Variants in IMMP2L observed in about 807,000 individuals in gnomAD.
The protein encoded by IMMP2L is inner mitochondrial membrane peptidase subunit 2, also known as mitochondrial inner membrane protease subunit 2.
Under a neutral mutation model 19.3 loss-of-function variants are expected in IMMP2L, and 18 were observed. The observed-to-expected ratio is 0.93, with a 90% confidence interval of 0.64 to 1.38. The LOEUF is 1.38. IMMP2L is among the 40% of genes most tolerant of loss of function. IMMP2L has a pLI of 0.00. For missense variants in IMMP2L, 233 were observed against 218.2 expected, an observed-to-expected ratio of 1.07 and a Z score of -0.43; for synonymous variants, 76 against 73.0, an observed-to-expected ratio of 1.04 and a Z score of -0.21.
chr7:110,895,884 C>T (rs1811271150), intron 4 of IMMP2L, among the ~76,000 whole-genome samples: 1 of 152,132 alleles, frequency 6.6e-6, no homozygotes, highest in Non-Finnish European at 1.5e-5. Context: ...TGCAGCCTTG[C>T]TAAACTCTCT....
At chr7:111,143,426 G>A (rs1803148984) in intron 3 of IMMP2L, among the ~76,000 whole-genome samples, 2 of 151,982 alleles carry the variant, frequency 1.3e-5, no homozygotes, top group South Asian at 4.1e-4. Context: ...CATAACAACA[G>A]GTGTTATCCT....
rs954862801 is a variant in IMMP2L at position 111,562,039 on chromosome 7, C to A, written c.-191G>T. ...CAGAAGGCAGCGCGCCCCCACAGCG[C>A]TCCCTCACGGCCAGAGCCGGGGGCC... On this transcript the variant is annotated 5_prime_UTR_variant, in exon 1 of 6. Coordinates refer to ENST00000405709, the MANE Select transcript of IMMP2L (RefSeq NM_032549.4). 2 of 152,540 alleles carry A rather than the reference C, an allele frequency of 1.3e-5. No homozygotes were observed. Among genetic ancestry groups the A allele is most frequent in the Non-Finnish European group, 2.9e-5 (2 of 68,166 alleles). 9.4% of individuals were successfully genotyped at this position (152,540 alleles called of 1,614,324 possible).
At chr7:110,675,837 A>G (rs1792258811) in intron 5 of IMMP2L, among the ~76,000 whole-genome samples, 1 of 152,174 alleles carries the variant, frequency 6.6e-6, no homozygotes, top group South Asian at 2.1e-4. Context: ...GGGGGTTATT[A>G]ATAATTAAAC....
chr7:111,318,062 TATA>T (rs1411403091), intron 3 of IMMP2L, among the ~76,000 whole-genome samples: 12 of 152,154 alleles, frequency 7.9e-5, no homozygotes, highest in African/African-American at 2.9e-4. Context: ...ATGCAATCCT[TATA>T]ATGTTATATT....
chr7:111,227,915 A>G (rs898233221), intron 3 of IMMP2L, among the ~76,000 whole-genome samples: 1 of 152,114 alleles, frequency 6.6e-6, no homozygotes, highest in African/African-American at 2.4e-5. Flanking sequence ...TATTTCAAAA[A>G]CCACTTCTAC....
At chr7:111,090,568 A>C (rs1187302503) in intron 3 of IMMP2L, among the ~76,000 whole-genome samples, 1 of 150,874 alleles carries the variant, frequency 6.6e-6, no homozygotes, top group African/African-American at 2.4e-5. Flanking sequence ...TATATGCTTT[A>C]TTTTAAAAAT....
chr7:111,114,696 C>T (rs1799652327), intron 3 of IMMP2L, among the ~76,000 whole-genome samples: 2 of 144,428 alleles, frequency 1.4e-5, no homozygotes, highest in Admixed American at 1.4e-4. Context: ...GCCGAGATCG[C>T]ACCACTGCCC....
At chr7:110,766,668 A>AAATCACATT (rs1798688260) in intron 5 of IMMP2L, among the ~76,000 whole-genome samples, 1 of 152,088 alleles carries the variant, frequency 6.6e-6, no homozygotes, top group African/African-American at 2.4e-5. Context: ...GGAAGAAATA[A>AAATCACATT]AATCACATTA....
chr7:110,810,071 C>T (rs1801917306), intron 5 of IMMP2L, among the ~76,000 whole-genome samples: 1 of 152,072 alleles, frequency 6.6e-6, no homozygotes, highest in African/African-American at 2.4e-5. Flanking sequence ...GGTGTCCTCA[C>T]TATTCTGCCT....
chr7:111,389,896 A>G (rs112176923), intron 3 of IMMP2L, among the ~76,000 whole-genome samples: 4 of 152,304 alleles, frequency 2.6e-5, no homozygotes, highest in African/African-American at 9.6e-5. Flanking sequence ...AAATAAAATA[A>G]GGATGTTAAA....
Position 111,016,809 on chromosome 7 carries a change from C to G in IMMP2L, c.240-53244G>C, listed in dbSNP as rs566114510. ...TATACTATATAATATATAATATATA[C>G]TATATATTATATATAATATATAGTA... On this transcript the variant is annotated intron_variant, in intron 3 of 5. Coordinates refer to ENST00000405709, the MANE Select transcript of IMMP2L (RefSeq NM_032549.4). 4.1e-3 allele frequency among the ~76,000 whole-genome samples: 178 copies of G among 43,122 alleles called. 1 individual carries two copies. Among genetic ancestry groups the G allele is most frequent in the African/African-American group, 9.8e-3 (149 of 15,236 alleles). 28.3% of individuals were successfully genotyped at this position (43,122 alleles called of 152,430 possible).
intron 3 of IMMP2L, among the ~76,000 whole-genome samples, chr7:111,121,117 T>A (rs924441141): frequency 6.6e-6 from 1 of 152,346 alleles, no homozygotes; most frequent in Non-Finnish European, 1.5e-5. Flanking sequence ...ATGTTTAACC[T>A]TTTAACGATT....
At chr7:110,845,232 T>A (rs9886295) in intron 5 of IMMP2L, among the ~76,000 whole-genome samples, 73,514 of 151,956 alleles carry the variant, frequency 0.48, 18,271 homozygotes, top group East Asian at 0.8. Flanking sequence ...GCACACTGAA[T>A]TAATATTAGG....
chr7:111,238,919 C>T (rs1011576283), intron 3 of IMMP2L, among the ~76,000 whole-genome samples: 1 of 151,842 alleles, frequency 6.6e-6, no homozygotes, highest in Admixed American at 6.6e-5. Flanking sequence ...ACAACAACTG[C>T]CTTTCAGAAT....
At chr7:111,538,029 C>A (rs1848051256) in intron 1 of IMMP2L, among the ~76,000 whole-genome samples, 1 of 152,100 alleles carries the variant, frequency 6.6e-6, no homozygotes, top group African/African-American at 2.4e-5. Context: ...AGGAAGTCCA[C>A]TCCGACTCTC....
chr7:111,053,628 G>A (rs919944810), intron 3 of IMMP2L, among the ~76,000 whole-genome samples: 1 of 152,158 alleles, frequency 6.6e-6, no homozygotes, highest in Non-Finnish European at 1.5e-5. Flanking sequence ...GACATTCCTG[G>A]TGGTGGGGGC....
intron 3 of IMMP2L, among the ~76,000 whole-genome samples, chr7:111,066,854 AG>A (rs1431422626): frequency 6.6e-6 from 1 of 152,174 alleles, no homozygotes; most frequent in Admixed American, 6.5e-5. Flanking sequence ...ATTTAATGTA[AG>A]GGTTTTGGGT....
At chr7:110,701,168 A>G (rs1794261254) in intron 5 of IMMP2L, among the ~76,000 whole-genome samples, 1 of 152,142 alleles carries the variant, frequency 6.6e-6, no homozygotes, top group African/African-American at 2.4e-5. Flanking sequence ...ATACAGAAAA[A>G]ATATTATTCA....
intron 3 of IMMP2L, among the ~76,000 whole-genome samples, chr7:111,090,116 A>G (rs1390191537): frequency 1.3e-5 from 2 of 152,122 alleles, no homozygotes; most frequent in African/African-American, 4.8e-5. Flanking sequence ...TTTCTCTAGT[A>G]TACTAATTAA....
Sources: allele counts gnomAD v4.1 joint callset (sites outside exome capture counted in the v4.1 genomes callset), GRCh38; gene constraint gnomAD v4.1.1; transcripts MANE v1.5; gene names NCBI Gene and HGNC (gene_info 2026-07-23, HGNC 2026-07-21).